ATG10: variants seen among roughly 807,000 people sequenced by gnomAD.
ATG10 encodes the protein autophagy related 10.
In ATG10, 30 loss-of-function variants were observed where a neutral mutation model predicts 32.1. That is an observed-to-expected ratio of 0.94 (90% CI 0.70 to 1.27). The LOEUF is 1.27. Among genes scored for constraint, ATG10 ranks in the 50% most tolerant of loss-of-function variants. The probability of loss-of-function intolerance (pLI) is 0.00; values close to 1 mark genes in which losing one functional copy is unlikely to be tolerated. For missense variants in ATG10, 233 were observed against 262.3 expected (o/e 0.89, Z 0.77); for synonymous variants, 87 against 91.5 (o/e 0.95, Z 0.28).
chr5:82,026,466 C>G (rs1762598302), intron 2 of ATG10, among the ~76,000 whole-genome samples: 1 of 151,454 alleles, frequency 6.6e-6, no homozygotes, highest in Non-Finnish European at 1.5e-5. Flanking sequence ...TATTTTGTTT[C>G]CTATTATTAT....
At chr5:82,060,950 C>T (rs762154993) in intron 3 of ATG10, among the ~76,000 whole-genome samples, 4 of 152,024 alleles carry the variant, frequency 2.6e-5, no homozygotes, top group Non-Finnish European at 5.9e-5. Context: ...ACTACATTGA[C>T]TATTACAATT....
Position 82,254,488 on chromosome 5 carries a change from G to A in ATG10, c.*425G>A, listed in dbSNP as rs1473129750. On this transcript the variant is annotated 3_prime_UTR_variant, in exon 8 of 8. Coordinates refer to ENST00000282185, the MANE Select transcript of ATG10 (RefSeq NM_031482.5). Reference sequence around the variant, plus strand: ...GTGGGAGGTTGGCTTTAACCCAGGAGGCAGAGGTTGCAGTGAGCTGAGACT... The same window carrying A: ...GTGGGAGGTTGGCTTTAACCCAGGAAGCAGAGGTTGCAGTGAGCTGAGACT... 1 of 150,378 alleles carries A rather than the reference G, an allele frequency of 6.6e-6. No individual in the cohort carries two copies. The highest frequency in any genetic ancestry group is 2.4e-5 in the African/African-American group (1 of 40,828). The allele number at this position is 150,378 out of a possible 1,614,324, so 9.3% of individuals were successfully genotyped here. A position where few individuals can be genotyped will look rare whatever the true frequency, so the allele number is the denominator to read the frequency against.
intron 2 of ATG10, among the ~76,000 whole-genome samples, chr5:82,013,992 T>C (rs1762205444): frequency 6.6e-6 from 1 of 152,234 alleles, no homozygotes; most frequent in Non-Finnish European, 1.5e-5. Context: ...CTCTACACAC[T>C]GCTTTAAATG....
intron 2 of ATG10, among the ~76,000 whole-genome samples, chr5:82,040,972 T>C (rs571627921): frequency 1.2e-4 from 18 of 152,356 alleles, no homozygotes; most frequent in African/African-American, 4.1e-4. Flanking sequence ...CTTGCATTTT[T>C]ACTTTATTTA....
At chr5:82,183,978 G>C (rs1744349237) in intron 5 of ATG10, among the ~76,000 whole-genome samples, 1 of 152,186 alleles carries the variant, frequency 6.6e-6, no homozygotes. Context: ...GAGTCATTTT[G>C]ATACAACCCA....
chr5:82,038,463 T>C (rs528105276), intron 2 of ATG10, among the ~76,000 whole-genome samples: 1 of 152,304 alleles, frequency 6.6e-6, no homozygotes, highest in Admixed American at 6.5e-5. Flanking sequence ...AGTGTGAGGG[T>C]TGACCAGTTG....
At chr5:82,072,297 A>G (rs1045943055) in intron 3 of ATG10, among the ~76,000 whole-genome samples, 3 of 151,920 alleles carry the variant, frequency 2.0e-5, no homozygotes, top group East Asian at 3.9e-4. Context: ...GTCTTCCTGG[A>G]TGGTATATAG....
intron 2 of ATG10, among the ~76,000 whole-genome samples, chr5:82,007,523 G>T (rs1762016769): frequency 6.6e-6 from 1 of 152,054 alleles, no homozygotes; most frequent in Non-Finnish European, 1.5e-5. Flanking sequence ...TGCAATTTCG[G>T]TTCACTGCAG....
intron 5 of ATG10, among the ~76,000 whole-genome samples, chr5:82,210,760 C>G (rs1448148028): frequency 6.6e-6 from 1 of 152,078 alleles, no homozygotes; most frequent in Non-Finnish European, 1.5e-5. Flanking sequence ...AATACCTGCC[C>G]CACCTCAAGG....
rs951908936 is a variant in ATG10, at chr5:82,201,048, C to A, written c.453+22461C>A. Among the ~76,000 whole-genome samples the A allele has an allele frequency of 7.2e-5, 11 of 152,008 alleles. No homozygotes were observed. The East Asian group carries it at 2.1e-3, about 29-fold the overall frequency. ...CACAGGCACCTGCCACCATACCTGG[C>A]TAATTTTTGCATCTTTAGTAGAGAT... is the stretch of plus-strand genomic sequence containing the variant. On this transcript the variant is annotated intron_variant, in intron 5 of 7. Transcript: ENST00000282185.
At chr5:82,132,417 A>G in intron 3 of ATG10, among the ~76,000 whole-genome samples, 1 of 18,326 alleles carries the variant, frequency 5.5e-5, no homozygotes, top group South Asian at 2.0e-3. Flanking sequence ...CCCCCACCCC[A>G]TTACAGGCCC....
intron 2 of ATG10, among the ~76,000 whole-genome samples, chr5:82,034,928 T>A (rs966720864): frequency 4.6e-5 from 7 of 152,156 alleles, no homozygotes; most frequent in East Asian, 3.8e-4. Flanking sequence ...TATTATTATT[T>A]TTTTATCTGA....
rs529006486 is a variant in ATG10, at chr5:82,150,760, C to T, written c.217-13639C>T. 2.0e-5 allele frequency among the ~76,000 whole-genome samples: 3 copies of T among 152,324 alleles called. No homozygotes were observed. The South Asian group carries it at 6.2e-4, about 32-fold the overall frequency. The stretch of plus-strand genomic sequence containing the variant: ...GTGTTCCAAAGGGTGCCAGAGAAGC[C>T]ATTGTCACTGCCCCACAGACTGCAG... On this transcript the variant is annotated intron_variant, in intron 3 of 7. Transcript: ENST00000282185.
At chr5:82,243,265 A>T (rs577728219) in intron 5 of ATG10, among the ~76,000 whole-genome samples, 10 of 152,034 alleles carry the variant, frequency 6.6e-5, no homozygotes, top group African/African-American at 2.4e-4. Flanking sequence ...AAGAAAAGGA[A>T]AGGAAGAAAC....
intron 3 of ATG10, among the ~76,000 whole-genome samples, chr5:82,078,056 C>T (rs373040201): frequency 7.2e-5 from 11 of 152,056 alleles, no homozygotes; most frequent in Middle Eastern, 3.4e-3. Flanking sequence ...CATTTTTCTT[C>T]GATTATAATT....
rs957536620 is a variant in ATG10 at position 82,196,268 on chromosome 5, A to G, written c.453+17681A>G. Among the ~76,000 whole-genome samples the G allele has an allele frequency of 2.0e-5, 3 of 152,146 alleles. No homozygotes were observed. The East Asian group carries it at 5.8e-4, about 29-fold the overall frequency. On this transcript the variant is annotated intron_variant, in intron 5 of 7. Coordinates refer to ENST00000282185, the MANE Select transcript of ATG10 (RefSeq NM_031482.5). ...TGTCGAGTGATGAGAGTTTTAAAGT[A>G]TATTTTGAATACTAGACCCTTATTG... is the stretch of plus-strand genomic sequence containing the variant.
intron 5 of ATG10, among the ~76,000 whole-genome samples, chr5:82,236,194 G>A (rs1048287562): frequency 2.0e-5 from 3 of 152,044 alleles, no homozygotes; most frequent in South Asian, 2.1e-4. Context: ...TTGTGCAGCC[G>A]TGACTGTTTA....
At chr5:82,203,111 C>T (rs1425705081) in intron 5 of ATG10, among the ~76,000 whole-genome samples, 7 of 152,112 alleles carry the variant, frequency 4.6e-5, no homozygotes, top group Non-Finnish European at 7.4e-5. Context: ...GCCTGTAATC[C>T]CAGCTACTCA....
intron 3 of ATG10, among the ~76,000 whole-genome samples, chr5:82,076,085 AGG>A (rs1302796169): frequency 6.6e-6 from 1 of 152,178 alleles, no homozygotes; most frequent in Admixed American, 6.5e-5. Flanking sequence ...CATTAACCCT[AGG>A]AGTTAGTGCC....
Sources: gnomAD v4.1 joint callset for allele counts (sites outside exome capture counted in the v4.1 genomes callset) on GRCh38, gnomAD v4.1.1 for gene constraint, MANE v1.5 for transcripts, NCBI Gene and HGNC (gene_info 2026-07-23, HGNC 2026-07-21) for gene names.